RAD51B: variants seen among roughly 807,000 people sequenced by gnomAD.
RAD51B encodes DNA repair protein RAD51 homolog 2.
Under a neutral mutation model 42.2 loss-of-function variants are expected in RAD51B, and 38 were observed. The ratio of observed to expected loss-of-function variants is 0.90; its 90% confidence interval spans 0.70 to 1.18. The LOEUF (loss-of-function observed/expected upper bound fraction) is 1.18, where lower values mean the gene tolerates loss of function less well. Among genes scored for constraint, RAD51B ranks in the 50% most tolerant of loss-of-function variants. The probability of loss-of-function intolerance (pLI) is 0.00; values close to 1 mark genes in which losing one functional copy is unlikely to be tolerated. For synonymous variants in RAD51B, 154 were observed against 145.2 expected, an observed-to-expected ratio of 1.06 and a Z score of -0.43; for missense variants, 373 against 400.7, an observed-to-expected ratio of 0.93 and a Z score of 0.59.
chr14:67,984,226 C>T (rs1402891157), intron 7 of RAD51B, among the ~76,000 whole-genome samples: 1 of 152,066 alleles, frequency 6.6e-6, no homozygotes, highest in Admixed American at 6.6e-5. Context: ...TGTGAGCCAC[C>T]ATGCCTGGCC....
rs550679552 is a variant in RAD51B, at chr14:68,348,791, C to T, written c.853+56811C>T. Reference sequence around the variant, plus strand: ...GGGGGCGCCTGTAGTCCCAGCTGCTCAGGAGGCTGAGGCAGGAGAATGGCA... The same window carrying T: ...GGGGGCGCCTGTAGTCCCAGCTGCTTAGGAGGCTGAGGCAGGAGAATGGCA... On this transcript the variant is annotated intron_variant, in intron 8 of 10. Transcript: ENST00000471583. Among the ~76,000 whole-genome samples the T allele has an allele frequency of 1.8e-4, 27 of 152,014 alleles. No homozygotes were observed. The East Asian group carries it at 3.9e-3, about 22-fold the overall frequency.
At chr14:68,638,232 T>A (rs1226811948) in intron 10 of RAD51B, among the ~76,000 whole-genome samples, 2 of 152,196 alleles carry the variant, frequency 1.3e-5, no homozygotes, top group Non-Finnish European at 2.9e-5. Flanking sequence ...TAATTGAGAC[T>A]GGGGGACTGG....
intron 7 of RAD51B, among the ~76,000 whole-genome samples, chr14:68,220,492 C>G (rs964629624): frequency 1.3e-5 from 2 of 152,126 alleles, no homozygotes; most frequent in African/African-American, 4.8e-5. Flanking sequence ...GTCTATGACA[C>G]ACACACAGCC....
At chr14:67,901,755 C>T (rs888861736) in intron 7 of RAD51B, among the ~76,000 whole-genome samples, 36 of 152,150 alleles carry the variant, frequency 2.4e-4, no homozygotes, top group African/African-American at 7.5e-4. Flanking sequence ...GAAATAATGT[C>T]TTTTGCAGCA....
At chr14:68,649,860 C>G (rs1401486887) in intron 10 of RAD51B, among the ~76,000 whole-genome samples, 2 of 152,204 alleles carry the variant, frequency 1.3e-5, no homozygotes, top group South Asian at 2.1e-4. Context: ...GACCCTGAGC[C>G]TTTATACAGG....
At position 68,250,341 on chromosome 14, in the gene RAD51B, C is replaced by G. The variant is rs114478830; in HGVS notation, c.757-41543C>G. Among the ~76,000 whole-genome samples, 288 of 152,242 alleles carry G rather than the reference C, an allele frequency of 1.9e-3. 1 individual carries two copies. Among genetic ancestry groups the G allele is most frequent in the African/African-American group, 6.5e-3 (268 of 41,538 alleles). The stretch of plus-strand genomic sequence containing the variant: ...GTGGATCTTCACTATGCAGGCTATG[C>G]TTTTAAGTTTCTGGAATAGAATGAT... On this transcript the variant is annotated intron_variant, in intron 7 of 10. Transcript: ENST00000471583.
At chr14:68,032,696 A>G (rs150961533) in intron 7 of RAD51B, among the ~76,000 whole-genome samples, 152 of 152,272 alleles carry the variant, frequency 1.0e-3, no homozygotes, top group Non-Finnish European at 1.6e-3. Flanking sequence ...CCTTTGCCAC[A>G]CTATTCCATA....
At chr14:68,498,408 T>A (rs1884693612) in intron 10 of RAD51B, among the ~76,000 whole-genome samples, 1 of 152,238 alleles carries the variant, frequency 6.6e-6, no homozygotes, top group Non-Finnish European at 1.5e-5. Context: ...TTTGTCTTAT[T>A]TTCACTTCTT....
At chr14:68,002,519 C>T (rs1227752770) in intron 7 of RAD51B, among the ~76,000 whole-genome samples, 1 of 152,126 alleles carries the variant, frequency 6.6e-6, no homozygotes, top group Admixed American at 6.5e-5. Flanking sequence ...TTTTGCTGTG[C>T]AGAAGCTCTT....
chr14:67,972,276 A>T (rs978255264), intron 7 of RAD51B, among the ~76,000 whole-genome samples: 1 of 152,058 alleles, frequency 6.6e-6, no homozygotes, highest in Non-Finnish European at 1.5e-5. Flanking sequence ...GTTAAATAAG[A>T]TATGATTTCT....
intron 4 of RAD51B, among the ~76,000 whole-genome samples, chr14:67,855,430 G>C (rs111301994): frequency 1.4e-5 from 2 of 148,096 alleles, no homozygotes; most frequent in African/African-American, 5.0e-5. Context: ...GTAGAGACGG[G>C]GTTTCACTGT....
rs558624454 is a variant in RAD51B, at chr14:68,314,527, T to C, written c.853+22547T>C. 3.3e-4 allele frequency among the ~76,000 whole-genome samples: 51 copies of C among 152,290 alleles called. 1 individual carries two copies. The East Asian group carries it at 8.5e-3, about 25-fold the overall frequency. The stretch of plus-strand genomic sequence containing the variant: ...TCAGCCCCTGGCATTTGTTCATACA[T>C]TGGAAGCCCAAAGCTTCCACACAGT... On this transcript the variant is annotated intron_variant, in intron 8 of 10. Coordinates refer to ENST00000471583, the MANE Select transcript of RAD51B (RefSeq NM_133510.4).
chr14:68,223,314 T>C (rs1046132984), intron 7 of RAD51B, among the ~76,000 whole-genome samples: 2 of 152,248 alleles, frequency 1.3e-5, no homozygotes, highest in Non-Finnish European at 2.9e-5. Context: ...ATTTAGGATA[T>C]GTATGTTTTT....
At chr14:68,052,791 T>A (rs961600381) in intron 7 of RAD51B, among the ~76,000 whole-genome samples, 3 of 151,268 alleles carry the variant, frequency 2.0e-5, no homozygotes, top group Admixed American at 2.0e-4. Flanking sequence ...TGGCTATTTT[T>A]TTGTGTTTTT....
At chr14:68,421,741 G>A in intron 9 of RAD51B, 1 of 1,595,130 alleles carries the variant, frequency 6.3e-7, no homozygotes, top group South Asian at 1.1e-5. Flanking sequence ...CTTCTTGCTG[G>A]TCTTGCCATT....
chr14:68,193,006 G>A (rs1316119289), intron 7 of RAD51B, among the ~76,000 whole-genome samples: 1 of 152,260 alleles, frequency 6.6e-6, no homozygotes, highest in East Asian at 1.9e-4. Context: ...CACTCAAAAT[G>A]TTTCCAAACT....
chr14:68,289,154 C>A (rs1174901071), intron 7 of RAD51B, among the ~76,000 whole-genome samples: 2 of 152,072 alleles, frequency 1.3e-5, no homozygotes, highest in Non-Finnish European at 2.9e-5. Context: ...CTGCCTGGAG[C>A]CTATGGCATA....
chr14:68,532,640 G>A (rs1887382530), intron 10 of RAD51B, among the ~76,000 whole-genome samples: 1 of 152,290 alleles, frequency 6.6e-6, no homozygotes, highest in East Asian at 1.9e-4. Flanking sequence ...GGATTTCTGG[G>A]ATGTTTGGCC....
chr14:68,179,189 G>C (rs1022405805), intron 7 of RAD51B, among the ~76,000 whole-genome samples: 1 of 152,074 alleles, frequency 6.6e-6, no homozygotes, highest in Admixed American at 6.6e-5. Context: ...ACTGTTTATT[G>C]GTGAGTGGTT....
Sources: allele counts gnomAD v4.1 joint callset (sites outside exome capture counted in the v4.1 genomes callset), GRCh38; gene constraint gnomAD v4.1.1; transcripts MANE v1.5; gene names NCBI Gene and HGNC (gene_info 2026-07-23, HGNC 2026-07-21).